Variants in CDH13 observed in about 807,000 individuals in gnomAD.
The protein encoded by CDH13 is cadherin-13.
CDH13 carries 24 observed loss-of-function variants against 63.8 expected under a neutral mutation model. That is an observed-to-expected ratio of 0.38 (90% CI 0.27 to 0.53). CDH13 has a LOEUF of 0.53. CDH13 is among the 20% of genes least tolerant of loss of function. The pLI is 0.85. For missense variants in CDH13, 1,049 were observed against 903.1 expected (o/e 1.16, Z -2.07); for synonymous variants, 503 against 355.3 (o/e 1.42, Z -4.67).
chr16:83,034,408 G>C (rs184699258), intron 3 of CDH13, among the ~76,000 whole-genome samples: 1 of 152,154 alleles, frequency 6.6e-6, no homozygotes, highest in Non-Finnish European at 1.5e-5. Flanking sequence ...ATGTTTCAGA[G>C]GAAACTGGAT....
chr16:83,761,176 C>T (rs928540062), intron 11 of CDH13, among the ~76,000 whole-genome samples: 1 of 152,158 alleles, frequency 6.6e-6, no homozygotes, highest in African/African-American at 2.4e-5. Context: ...GGACTGAAAA[C>T]CTGATCTGAG....
At chr16:82,923,165 C>T (rs992176367) in intron 2 of CDH13, among the ~76,000 whole-genome samples, 6 of 152,152 alleles carry the variant, frequency 3.9e-5, no homozygotes, top group Non-Finnish European at 7.3e-5. Context: ...GTAAAAACTG[C>T]AATATCTGTG....
intron 5 of CDH13, among the ~76,000 whole-genome samples, chr16:83,300,390 C>T (rs1450361239): frequency 2.6e-5 from 4 of 152,232 alleles, no homozygotes; most frequent in Non-Finnish European, 4.4e-5. Context: ...CAGCTTACAA[C>T]ATACAGTTCT....
At chr16:83,020,391 A>G (rs1481575594) in intron 2 of CDH13, among the ~76,000 whole-genome samples, 1 of 152,046 alleles carries the variant, frequency 6.6e-6, no homozygotes, top group Non-Finnish European at 1.5e-5. Flanking sequence ...GGGCCTCCCC[A>G]CTGCCCTCTG....
intron 7 of CDH13, among the ~76,000 whole-genome samples, chr16:83,580,856 G>C (rs144043727): frequency 6.6e-6 from 1 of 152,090 alleles, no homozygotes; most frequent in Non-Finnish European, 1.5e-5. Flanking sequence ...TTTCCATGCT[G>C]TTGGAGTTAA....
chr16:83,143,658 A>C (rs2036628367), intron 4 of CDH13, among the ~76,000 whole-genome samples: 2 of 152,156 alleles, frequency 1.3e-5, no homozygotes, highest in African/African-American at 4.8e-5. Flanking sequence ...TTGTGTTAAA[A>C]TCTCAGGGAC....
chr16:83,311,237 A>G (rs1412702588), intron 5 of CDH13, among the ~76,000 whole-genome samples: 2 of 151,608 alleles, frequency 1.3e-5, no homozygotes, highest in Non-Finnish European at 2.9e-5. Context: ...TTCCTCCATG[A>G]CCTCCTTTGG....
intron 1 of CDH13, chr16:82,844,637 GTATTT>G (rs752884117): frequency 1.2e-5 from 1 of 84,346 alleles, no homozygotes; most frequent in Non-Finnish European, 2.7e-5. Flanking sequence ...AGGTAATAAA[GTATTT>G]TTTTTTTTTT....
At chr16:83,096,675 T>C (rs1333532179) in intron 3 of CDH13, among the ~76,000 whole-genome samples, 1 of 152,212 alleles carries the variant, frequency 6.6e-6, no homozygotes, top group Non-Finnish European at 1.5e-5. Context: ...TTTAACTCCC[T>C]TGGACTGAGT....
intron 6 of CDH13, among the ~76,000 whole-genome samples, chr16:83,387,818 C>T (rs1267968002): frequency 6.6e-6 from 1 of 152,172 alleles, no homozygotes; most frequent in Non-Finnish European, 1.5e-5. Flanking sequence ...TTTCCCCTTG[C>T]TGTCTCTTTC....
At position 82,697,743 on chromosome 16, in the gene CDH13, G is replaced by A. The variant is rs1365498911; in HGVS notation, c.45+70606G>A. On this transcript the variant is annotated intron_variant, in intron 1 of 13. Transcript: ENST00000567109. ...GCACCTGGCTGGGCCGAGGCATTGT[G>A]TGTGTGTGTGTGTGTGTGTGTGTGT... is the stretch of plus-strand genomic sequence containing the variant. Among the ~76,000 whole-genome samples, 4 of 874 alleles carry A rather than the reference G, an allele frequency of 4.6e-3. 1 individual carries two copies. The Admixed American group carries it at 0.087, about 19-fold the overall frequency. The allele number at this position is 874 out of a possible 152,430, so 0.6% of individuals were successfully genotyped here.
chr16:83,632,422 C>T (rs1380682366), intron 8 of CDH13, among the ~76,000 whole-genome samples: 2 of 152,072 alleles, frequency 1.3e-5, no homozygotes, highest in Non-Finnish European at 2.9e-5. Context: ...CCAGCAGCTC[C>T]GTGCATGACA....
chr16:83,254,281 C>T (rs1181222496), intron 5 of CDH13, among the ~76,000 whole-genome samples: 1 of 152,206 alleles, frequency 6.6e-6, no homozygotes, highest in African/African-American at 2.4e-5. Flanking sequence ...TAGCTCACTG[C>T]TTAGCATCAT....
chr16:83,216,399 T>TAAATATATATAA (rs1567513758), intron 4 of CDH13, among the ~76,000 whole-genome samples: 1 of 36,242 alleles, frequency 2.8e-5, no homozygotes, highest in Non-Finnish European at 4.7e-5. Flanking sequence ...AGCATTGAAA[T>TAAATATATATAA]ATATATATAT....
At chr16:82,842,112 GTATATATA>G (rs1239169050) in intron 1 of CDH13, among the ~76,000 whole-genome samples, 2 of 58,962 alleles carry the variant, frequency 3.4e-5, no homozygotes, top group African/African-American at 1.4e-4. Flanking sequence ...ATATATATAT[GTATATATA>G]TATATATATA....
chr16:82,825,253 T>C (rs193119622), intron 1 of CDH13: 1 of 152,298 alleles, frequency 6.6e-6, no homozygotes, highest in Admixed American at 6.5e-5. Context: ...GCAGGCGTGT[T>C]TTACCTTAGT....
intron 2 of CDH13, among the ~76,000 whole-genome samples, chr16:82,976,692 A>G (rs1238769588): frequency 6.6e-6 from 1 of 151,980 alleles, no homozygotes; most frequent in African/African-American, 2.4e-5. Context: ...AGGGGTTCAG[A>G]CTCCCAAATA....
rs55734721 is a variant in CDH13 at position 83,023,300 on chromosome 16, A to ACCCC, written c.158-8707_158-8704dup. Among the ~76,000 whole-genome samples, 145 of 151,560 alleles carry ACCCC rather than the reference A, an allele frequency of 9.6e-4. 1 individual carries two copies. The highest frequency in any genetic ancestry group is 2.9e-3 in the African/African-American group (118 of 41,270). ...TTCCCCCAGGTGGGGTGTTTTCACTACCCCCCGACTCCACCCCGCCCTCCC... is the reference window on the plus strand; with the variant it reads ...TTCCCCCAGGTGGGGTGTTTTCACTACCCCCCCCCCGACTCCACCCCGCCCTCCC... On this transcript the variant is annotated intron_variant, in intron 2 of 13. Transcript: ENST00000567109.
chr16:83,390,922 C>T (rs141833782), intron 6 of CDH13, among the ~76,000 whole-genome samples: 72 of 152,330 alleles, frequency 4.7e-4, no homozygotes, highest in African/African-American at 1.7e-3. Flanking sequence ...TGATGTCAGG[C>T]TCAGCAGAGG....
Sources: gnomAD v4.1 joint callset for allele counts (sites outside exome capture counted in the v4.1 genomes callset) on GRCh38, gnomAD v4.1.1 for gene constraint, MANE v1.5 for transcripts, NCBI Gene and HGNC (gene_info 2026-07-23, HGNC 2026-07-21) for gene names.